Variants in AKAP13 observed in about 807,000 individuals in gnomAD.
The protein encoded by AKAP13 is A-kinase anchor protein 13.
Under a neutral mutation model 264.5 loss-of-function variants are expected in AKAP13, and 80 were observed. The ratio of observed to expected loss-of-function variants is 0.30; its 90% CI spans 0.25 to 0.36. The LOEUF is 0.36. Ranked by LOEUF, AKAP13 falls within the 10% of genes least tolerant of loss-of-function variation. The probability of loss-of-function intolerance (pLI) is 1.00; values close to 1 mark genes in which losing one functional copy is unlikely to be tolerated. For missense variants in AKAP13, 3,712 were observed against 3,435.2 expected, an observed-to-expected ratio of 1.08 and a Z score of -2.01; for synonymous variants, 1,380 against 1,250.2, an observed-to-expected ratio of 1.10 and a Z score of -2.19.
intron 12 of AKAP13, chr15:85,662,292 C>G (rs170931): frequency 0.091 from 114,545 of 1,261,888 alleles, 10,580 homozygotes; most frequent in East Asian, 0.4. Context: ...ATCCGTCTGT[C>G]TCTAACTATG....
chr15:85,531,318 A>C (rs545850811), intron 3 of AKAP13, among the ~76,000 whole-genome samples: 1 of 152,200 alleles, frequency 6.6e-6, no homozygotes, highest in South Asian at 2.1e-4. Context: ...ACTTCATTGC[A>C]GTTATCTGCA....
intron 2 of AKAP13, among the ~76,000 whole-genome samples, chr15:85,486,223 C>T (rs186169497): frequency 6.6e-6 from 1 of 151,922 alleles, no homozygotes; most frequent in East Asian, 1.9e-4. Context: ...TGTCATTTCA[C>T]TTTCTTGATG....
chr15:85,676,481 T>C (rs554074502), intron 14 of AKAP13, among the ~76,000 whole-genome samples: 9 of 152,190 alleles, frequency 5.9e-5, no homozygotes, highest in African/African-American at 2.2e-4. Context: ...CTTTTGGAGC[T>C]TTAGCTGCCT....
At chr15:85,437,810 T>G (rs201109215) in intron 1 of AKAP13, among the ~76,000 whole-genome samples, 1 of 152,148 alleles carries the variant, frequency 6.6e-6, no homozygotes, top group Admixed American at 6.6e-5. Context: ...ATTGATGGGA[T>G]GTATTTCAAA....
At chr15:85,555,364 A>G in intron 5 of AKAP13, 5 of 1,184,512 alleles carry the variant, frequency 4.2e-6, no homozygotes, top group Non-Finnish European at 5.6e-6. Flanking sequence ...GTCAGAAGTA[A>G]ACTTGGAGCG....
At chr15:85,483,349 G>C (rs2075406241) in intron 1 of AKAP13, among the ~76,000 whole-genome samples, 1 of 152,204 alleles carries the variant, frequency 6.6e-6, no homozygotes, top group Non-Finnish European at 1.5e-5. Flanking sequence ...AACATTGGCT[G>C]GGCATGGTGG....
Position 85,581,803 on chromosome 15 carries a change from A to T in AKAP13, c.3735A>T (p.Ala1245=). 1.2e-6 allele frequency: 2 copies of T among 1,614,200 alleles called. No homozygotes were observed. Among genetic ancestry groups the T allele is most frequent in the Non-Finnish European group, 1.7e-6 (2 of 1,180,004 alleles). ...AGGACGCACCTCTGCCTAAGGGGGC[A>T]GACTTGATAGAGGAGGCTGCCAGCC... is the stretch of plus-strand genomic sequence containing the variant. ...SAQDAPLPKG[A]DLIEEAASRI... Residue 1245 remains alanine, a synonymous_variant, in exon 7 of 37, where the codon GCA becomes GCT. Coordinates refer to ENST00000394518, the MANE Select transcript of AKAP13 (RefSeq NM_007200.5).
At chr15:85,633,330 A>G (rs1004200566) in intron 8 of AKAP13, among the ~76,000 whole-genome samples, 13 of 147,592 alleles carry the variant, frequency 8.8e-5, no homozygotes, top group African/African-American at 3.2e-4. Context: ...TTGTTGCTGT[A>G]TTCATGCAGC....
rs1160050565 is a variant in AKAP13, at chr15:85,458,386, G to GTTTT, written c.-11-27321_-11-27318dup. On this transcript the variant is annotated intron_variant, in intron 1 of 36. Transcript: ENST00000394518. ...TTTTTTCTCTTTTTTTGTATTTTTT[G>GTTTT]TTTTTTGTTTTTTTTTTTTTTTACT... Among the ~76,000 whole-genome samples, 956 of 103,548 alleles carry GTTTT rather than the reference G, an allele frequency of 9.2e-3. 33 individuals are homozygous for GTTTT. The highest frequency in any genetic ancestry group is 0.045 in the African/African-American group (873 of 19,262). The allele number at this position is 103,548 out of a possible 152,430, so 67.9% of individuals were successfully genotyped here.
intron 5 of AKAP13, among the ~76,000 whole-genome samples, chr15:85,557,400 A>G (rs2078189214): frequency 6.6e-6 from 1 of 152,140 alleles, no homozygotes; most frequent in African/African-American, 2.4e-5. Context: ...TGTTCCTGAT[A>G]TTTCACATTT....
chr15:85,448,786 A>G (rs532377044), intron 1 of AKAP13, among the ~76,000 whole-genome samples: 2 of 148,496 alleles, frequency 1.3e-5, no homozygotes, highest in South Asian at 4.2e-4. Context: ...ATAGTTTGAA[A>G]TTGAGTAACG....
chr15:85,428,089 C>T (rs1210001818), intron 1 of AKAP13, among the ~76,000 whole-genome samples: 1 of 152,138 alleles, frequency 6.6e-6, no homozygotes. Context: ...GCCACATGAA[C>T]AAGTCTGGTT....
intron 1 of AKAP13, among the ~76,000 whole-genome samples, chr15:85,484,768 T>C (rs1229863068): frequency 6.6e-6 from 1 of 152,234 alleles, no homozygotes; most frequent in Non-Finnish European, 1.5e-5. Flanking sequence ...GTTGGTCATT[T>C]CAATTTCAGT....
chr15:85,595,926 G>A (rs928490090), intron 8 of AKAP13, among the ~76,000 whole-genome samples: 1 of 152,196 alleles, frequency 6.6e-6, no homozygotes, highest in Non-Finnish European at 1.5e-5. Flanking sequence ...ATTGAAACAA[G>A]TAGTATTTCT....
chr15:85,477,508 A>G (rs1415387041), intron 1 of AKAP13, among the ~76,000 whole-genome samples: 4 of 151,964 alleles, frequency 2.6e-5, no homozygotes, highest in African/African-American at 9.7e-5. Flanking sequence ...GGGGCCCCCA[A>G]CAGATCCTTG....
intron 10 of AKAP13, among the ~76,000 whole-genome samples, chr15:85,652,360 A>G (rs865983565): frequency 6.6e-6 from 1 of 152,232 alleles, no homozygotes; most frequent in African/African-American, 2.4e-5. Context: ...AAGCACCTAT[A>G]TAACTGTCTG....
At chr15:85,479,645 G>A (rs74441371) in intron 1 of AKAP13, among the ~76,000 whole-genome samples, 104 of 152,248 alleles carry the variant, frequency 6.8e-4, no homozygotes, top group African/African-American at 2.3e-3. Flanking sequence ...CAATTGATGT[G>A]GTAGGTATGT....
intron 1 of AKAP13, among the ~76,000 whole-genome samples, chr15:85,429,218 G>T (rs1194935227): frequency 1.3e-5 from 2 of 151,898 alleles, no homozygotes; most frequent in Non-Finnish European, 2.9e-5. Context: ...GTTTTCCCTG[G>T]CATATTTTCT....
chr15:85,729,341 G>A (rs1172864646), intron 29 of AKAP13, among the ~76,000 whole-genome samples: 2 of 152,146 alleles, frequency 1.3e-5, no homozygotes, highest in Admixed American at 6.5e-5. Context: ...TCGGTTGGTG[G>A]TAGGACAGAG....
Sources: gnomAD v4.1 joint callset for allele counts (sites outside exome capture counted in the v4.1 genomes callset) on GRCh38, gnomAD v4.1.1 for gene constraint, MANE v1.5 for transcripts, NCBI Gene and HGNC (gene_info 2026-07-23, HGNC 2026-07-21) for gene names.